EDA: variants seen among roughly 807,000 people sequenced by gnomAD.
The protein encoded by EDA is ectodysplasin A.
A neutral mutation model predicts 23.6 loss-of-function variants in EDA; 2 were observed. That is an observed-to-expected ratio of 0.08 (90% CI 0.03 to 0.27). EDA has a LOEUF of 0.27. EDA is among the 10% of genes least tolerant of loss of function. The probability of loss-of-function intolerance (pLI) is 1.00; values close to 1 mark genes in which losing one functional copy is unlikely to be tolerated. For synonymous variants in EDA, 131 were observed against 132.0 expected (o/e 0.99, Z 0.05); for missense variants, 229 against 324.2 (o/e 0.71, Z 2.26).
chrX:69,699,508 T>C (rs951492783), intron 1 of EDA, among the ~76,000 whole-genome samples: 26 of 111,013 alleles, frequency 2.3e-4, no homozygotes, highest in African/African-American at 8.5e-4. Flanking sequence ...ATCTTTGATG[T>C]TATGGGTTGA....
At chrX:69,885,042 G>GT (rs1569364309) in intron 1 of EDA, among the ~76,000 whole-genome samples, 1 of 111,785 alleles carries the variant, frequency 8.9e-6, no homozygotes, top group African/African-American at 3.2e-5. Context: ...TCTCCTTGTG[G>GT]TTTTTTACTT....
chrX:69,837,025 A>T (rs2016792967), intron 1 of EDA, among the ~76,000 whole-genome samples: 1 of 111,959 alleles, frequency 8.9e-6, no homozygotes, highest in Non-Finnish European at 1.9e-5. Flanking sequence ...TTTTTAAAAA[A>T]TTTTTTTGTT....
chrX:69,948,385 G>A (rs770059051), intron 1 of EDA, among the ~76,000 whole-genome samples: 41 of 111,787 alleles, frequency 3.7e-4, no homozygotes, highest in Non-Finnish European at 6.6e-4. Flanking sequence ...CACATTTAGC[G>A]TTACTCCGTA....
chrX:69,683,296 C>T (rs1934438035), intron 1 of EDA, among the ~76,000 whole-genome samples: 1 of 111,165 alleles, frequency 9.0e-6, no homozygotes, highest in Non-Finnish European at 1.9e-5. Context: ...TGTTCTATCC[C>T]TATTGCCTAC....
intron 2 of EDA, among the ~76,000 whole-genome samples, chrX:69,995,279 C>G (rs1472913751): frequency 1.8e-5 from 2 of 112,227 alleles, no homozygotes; most frequent in Non-Finnish European, 3.8e-5. Context: ...AATACCTGCT[C>G]TCTTCCCAGA....
intron 1 of EDA, among the ~76,000 whole-genome samples, chrX:69,660,441 A>G (rs1394305383): frequency 2.7e-5 from 3 of 110,413 alleles, no homozygotes; most frequent in Non-Finnish European, 5.7e-5. Context: ...TGCTGCACCC[A>G]TTAACTCGTC....
At chrX:69,636,783 G>A (rs1388429815) in intron 1 of EDA, among the ~76,000 whole-genome samples, 1 of 110,547 alleles carries the variant, frequency 9.0e-6, no homozygotes, top group Non-Finnish European at 1.9e-5. Context: ...TTATTGAGAG[G>A]ATTATGTTTT....
chrX:69,981,239 A>C (rs987996275), intron 2 of EDA, among the ~76,000 whole-genome samples: 6 of 111,543 alleles, frequency 5.4e-5, no homozygotes, highest in Non-Finnish European at 1.1e-4. Context: ...AGTGGTATAC[A>C]GTATCACTAT....
intron 1 of EDA, among the ~76,000 whole-genome samples, chrX:69,761,333 A>G (rs1206282010): frequency 9.0e-6 from 1 of 111,235 alleles, no homozygotes; most frequent in Admixed American, 9.6e-5. Context: ...TTATAGTCAC[A>G]TTTTAGAACA....
At chrX:69,830,035 A>G (rs1257300093) in intron 1 of EDA, among the ~76,000 whole-genome samples, 1 of 109,932 alleles carries the variant, frequency 9.1e-6, no homozygotes, top group South Asian at 3.8e-4. Flanking sequence ...TTTTTTACTG[A>G]CAATAACAGG....
chrX:69,898,999 T>C (rs1457598942), intron 1 of EDA, among the ~76,000 whole-genome samples: 7 of 112,082 alleles, frequency 6.2e-5, no homozygotes, highest in Non-Finnish European at 1.3e-4. Flanking sequence ...TGGGTGCTGC[T>C]TTTGCTATGA....
chrX:69,863,569 A>G (rs908763414), intron 1 of EDA, among the ~76,000 whole-genome samples: 3 of 63,227 alleles, frequency 4.7e-5, no homozygotes, highest in Admixed American at 1.6e-4. Flanking sequence ...ATATGTGTGT[A>G]TATATGTGTG....
intron 1 of EDA, among the ~76,000 whole-genome samples, chrX:69,653,748 T>C (rs1933183847): frequency 9.0e-6 from 1 of 111,676 alleles, no homozygotes; most frequent in Admixed American, 9.5e-5. Context: ...GCTAGCCATA[T>C]GTAGAAAGCT....
At chrX:69,743,511 C>T (rs2013523432) in intron 1 of EDA, among the ~76,000 whole-genome samples, 1 of 111,821 alleles carries the variant, frequency 8.9e-6, no homozygotes, top group Admixed American at 9.5e-5. Flanking sequence ...GTACATAGAG[C>T]TGATTCCCTG....
chrX:69,841,484 A>G (rs951964671), intron 1 of EDA, among the ~76,000 whole-genome samples: 1 of 111,676 alleles, frequency 9.0e-6, no homozygotes, highest in Non-Finnish European at 1.9e-5. Context: ...GACTACAGGC[A>G]CATACCATCA....
rs771418870 is a variant in EDA at position 69,788,697 on chromosome X, C to G, written c.397-168330C>G. On this transcript the variant is annotated intron_variant, in intron 1 of 7. Transcript: ENST00000374552. Reference sequence around the variant, plus strand: ...GGGAGAACCACTGCTCTCTTTAAAGCTGTCAGACAGGGACATTTAAGTCTG... The same window carrying G: ...GGGAGAACCACTGCTCTCTTTAAAGGTGTCAGACAGGGACATTTAAGTCTG... Among the ~76,000 whole-genome samples, 330 of 112,859 alleles carry G rather than the reference C, an allele frequency of 2.9e-3. 2 individuals carry two copies. The highest frequency in any genetic ancestry group is 4.4e-3 in the Non-Finnish European group (234 of 53,283).
At chrX:69,641,984 G>A (rs1010355953) in intron 1 of EDA, among the ~76,000 whole-genome samples, 3 of 111,986 alleles carry the variant, frequency 2.7e-5, no homozygotes, top group Admixed American at 9.5e-5. Flanking sequence ...AAATACTTGC[G>A]AAGTATTTAG....
At chrX:69,932,725 T>C (rs1386092722) in intron 1 of EDA, among the ~76,000 whole-genome samples, 1 of 112,006 alleles carries the variant, frequency 8.9e-6, no homozygotes, top group Non-Finnish European at 1.9e-5. Context: ...AATGTTTCAC[T>C]GTTCCAACCC....
intron 2 of EDA, among the ~76,000 whole-genome samples, chrX:70,014,962 G>C (rs1162500519): frequency 2.7e-5 from 3 of 112,079 alleles, no homozygotes; most frequent in Non-Finnish European, 5.6e-5. Flanking sequence ...TTGAAAGAGA[G>C]GGAGGGAATA....
Sources: gnomAD v4.1 joint callset for allele counts (sites outside exome capture counted in the v4.1 genomes callset) on GRCh38, gnomAD v4.1.1 for gene constraint, MANE v1.5 for transcripts, NCBI Gene and HGNC (gene_info 2026-07-23, HGNC 2026-07-21) for gene names.